The following VPS41 variants were observed in gnomAD, a reference collection of about 807,000 sequenced individuals.
The protein encoded by VPS41 is vacuolar protein sorting-associated protein 41 homolog.
A neutral mutation model predicts 130.9 loss-of-function variants in VPS41; 85 were observed. The observed-to-expected ratio is 0.65, with a 90% CI of 0.55 to 0.78. The LOEUF (loss-of-function observed/expected upper bound fraction) is 0.78. VPS41 is among the 30% of genes least tolerant of loss of function. The pLI is 0.00. For missense variants in VPS41, 874 were observed against 1,018.7 expected (o/e 0.86, Z 1.93); for synonymous variants, 335 against 332.9 (o/e 1.01, Z -0.07).
chr7:38,889,622 A>T (rs1037168911), intron 2 of VPS41, among the ~76,000 whole-genome samples: 2 of 151,962 alleles, frequency 1.3e-5, no homozygotes, highest in Non-Finnish European at 2.9e-5. Flanking sequence ...TAAAAAATTT[A>T]AAAATTTAAA....
chr7:38,761,100 G>A (rs1021883712), intron 17 of VPS41, among the ~76,000 whole-genome samples: 2 of 151,886 alleles, frequency 1.3e-5, no homozygotes, highest in Non-Finnish European at 2.9e-5. Flanking sequence ...TAAAATGTTT[G>A]TAGAACCAAA....
intron 15 of VPS41, among the ~76,000 whole-genome samples, chr7:38,766,917 G>A (rs146566343): frequency 8.4e-4 from 128 of 152,196 alleles, no homozygotes; most frequent in Middle Eastern, 6.8e-3. Context: ...ATCCAGTATC[G>A]AGTATATCTT....
In VPS41 at chr7:38,776,722, T is replaced by G. The variant is rs778330702; in HGVS notation, c.839A>C (p.Gln280Pro). The G allele has an allele frequency of 6.2e-7, 1 of 1,612,542 alleles. No individual in the cohort carries two copies. Among genetic ancestry groups the G allele is most frequent in the Non-Finnish European group, 8.5e-7 (1 of 1,178,814 alleles). ...CTTTACATACGAAAGTACAACAAGCTGATCACAGAGAGGTGCAAGTCCACT... is the reference window on the plus strand; with the variant it reads ...CTTTACATACGAAAGTACAACAAGCGGATCACAGAGAGGTGCAAGTCCACT... ...YISGLAPLCD[Q>P]LVVLSYVKEI... Residue 280 changes from glutamine to proline, a missense_variant, in exon 11 of 29, where the codon CAG becomes CCG. Transcript: ENST00000310301.
chr7:38,782,886 G>A (rs1562584863), intron 10 of VPS41, among the ~76,000 whole-genome samples: 1 of 152,152 alleles, frequency 6.6e-6, no homozygotes, highest in Non-Finnish European at 1.5e-5. Flanking sequence ...GGAGGCCGAG[G>A]TGGACGGATC....
At chr7:38,791,565 G>C (rs993243506) in intron 9 of VPS41, among the ~76,000 whole-genome samples, 2 of 152,152 alleles carry the variant, frequency 1.3e-5, no homozygotes, top group African/African-American at 4.8e-5. Context: ...AGGGCAGGAA[G>C]ACTTCCTGGA....
In VPS41 at chr7:38,797,089, T is replaced by A. The variant is rs1361140633; in HGVS notation, c.451-225A>T. The A allele has an allele frequency of 6.9e-6, 3 of 437,338 alleles. No homozygotes were observed. In the Admixed American group the frequency reaches 1.1e-4, roughly 16 times the overall value. 27.1% of individuals were successfully genotyped at this position (437,338 alleles called of 1,614,324 possible). The stretch of plus-strand genomic sequence containing the variant: ...TAAAATGGATGAGTGTTGAAGTTAC[T>A]ACAAGGCCAAGCCACAAGGTGGCAC... On this transcript the variant is annotated intron_variant, in intron 7 of 28. Coordinates refer to ENST00000310301, the MANE Select transcript of VPS41 (RefSeq NM_014396.4).
chr7:38,740,404 G>A (rs1034302562), intron 25 of VPS41, among the ~76,000 whole-genome samples: 15 of 152,224 alleles, frequency 9.9e-5, no homozygotes, highest in Admixed American at 2.6e-4. Context: ...AGGCAGGGAC[G>A]TCACCTTTCT....
intron 4 of VPS41, among the ~76,000 whole-genome samples, chr7:38,858,024 G>C (rs965754181): frequency 6.6e-6 from 1 of 152,196 alleles, no homozygotes; most frequent in African/African-American, 2.4e-5. Context: ...GTTACGATAA[G>C]GAGTTGTGAA....
At chr7:38,800,101 A>C (rs1784696484) in intron 7 of VPS41, among the ~76,000 whole-genome samples, 1 of 152,192 alleles carries the variant, frequency 6.6e-6, no homozygotes, top group East Asian at 1.9e-4. Flanking sequence ...CAAGTTAGTA[A>C]AGATGCATGT....
At chr7:38,730,300 G>T (rs1021371063) in intron 25 of VPS41, among the ~76,000 whole-genome samples, 1 of 152,202 alleles carries the variant, frequency 6.6e-6, no homozygotes. Flanking sequence ...GCAGCCAACT[G>T]CAGCCCTCTA....
chr7:38,899,725 G>A lies in VPS41; in HGVS notation c.22-1596C>T, dbSNP rs758653835. Among the ~76,000 whole-genome samples, 6 of 151,960 alleles carry A rather than the reference G, an allele frequency of 3.9e-5. No homozygotes were observed. In the East Asian group the frequency reaches 5.8e-4, roughly 15 times the overall value. The stretch of plus-strand genomic sequence containing the variant: ...AACATCCTTTCCATCTCTGTGAGTC[G>A]CTGAATATTATGTTATTAGCATCAG... On this transcript the variant is annotated intron_variant, in intron 1 of 28. Coordinates refer to ENST00000310301, the MANE Select transcript of VPS41 (RefSeq NM_014396.4).
Position 38,743,580 on chromosome 7 carries a change from G to A in VPS41, c.1982-38C>T, listed in dbSNP as rs748906561. 4 of 1,593,578 alleles carry A rather than the reference G, an allele frequency of 2.5e-6. No individual in the cohort carries two copies. The Admixed American group carries it at 5.3e-5, about 21-fold the overall frequency. The stretch of plus-strand genomic sequence containing the variant: ...AAGATGGGAGAAAGAGTTCATTTAA[G>A]GTATTTTAATAATTTTTTTAAAGAA... On this transcript the variant is annotated intron_variant, in intron 23 of 28. Coordinates refer to ENST00000310301, the MANE Select transcript of VPS41 (RefSeq NM_014396.4).
chr7:38,876,334 A>C (rs1357922377), intron 2 of VPS41, among the ~76,000 whole-genome samples: 4 of 152,242 alleles, frequency 2.6e-5, no homozygotes, highest in African/African-American at 9.6e-5. Flanking sequence ...ATGTCTTTCT[A>C]AGTGAAAGAA....
chr7:38,861,651 C>T (rs148222039), intron 4 of VPS41, among the ~76,000 whole-genome samples: 3 of 152,236 alleles, frequency 2.0e-5, no homozygotes, highest in Non-Finnish European at 4.4e-5. Context: ...CCTTTCTAAA[C>T]TATATCAATA....
intron 4 of VPS41, among the ~76,000 whole-genome samples, chr7:38,862,049 C>T (rs762830499): frequency 9.2e-5 from 14 of 152,148 alleles, no homozygotes; most frequent in South Asian, 6.2e-4. Flanking sequence ...GTACTTACAA[C>T]TGAAATTAGT....
At chr7:38,749,103 T>G (rs1416652536) in intron 22 of VPS41, among the ~76,000 whole-genome samples, 1 of 152,184 alleles carries the variant, frequency 6.6e-6, no homozygotes, top group African/African-American at 2.4e-5. Context: ...TCATAAAAGT[T>G]TATGATTAAT....
At chr7:38,818,486 C>T (rs1437793482) in intron 6 of VPS41, among the ~76,000 whole-genome samples, 1 of 152,176 alleles carries the variant, frequency 6.6e-6, no homozygotes, top group African/African-American at 2.4e-5. Context: ...AATCTTTCTC[C>T]AGCCCCTTGC....
chr7:38,870,739 C>CAAAAAAAAAAAAAAAAAAAAAAAAAGA (rs70977434), intron 2 of VPS41, among the ~76,000 whole-genome samples: 2 of 29,732 alleles, frequency 6.7e-5, no homozygotes, highest in African/African-American at 1.1e-4. Flanking sequence ...ACTATATGTT[C>CAAAAAAAAAAAAAAAAAAAAAAAAAGA]AAAAAAAAAA....
intron 5 of VPS41, among the ~76,000 whole-genome samples, chr7:38,826,138 C>A (rs1584414492): frequency 6.6e-6 from 1 of 152,290 alleles, no homozygotes; most frequent in South Asian, 2.1e-4. Flanking sequence ...ATGACAGAAG[C>A]CTCTAGTTCC....
Sources: gnomAD v4.1 joint callset for allele counts (sites outside exome capture counted in the v4.1 genomes callset) on GRCh38, gnomAD v4.1.1 for gene constraint, MANE v1.5 for transcripts, NCBI Gene and HGNC (gene_info 2026-07-23, HGNC 2026-07-21) for gene names.